The following BRD8 variants were observed in gnomAD, a reference collection of about 807,000 sequenced individuals.
BRD8 encodes the protein bromodomain containing 8.
A neutral mutation model predicts 143.1 loss-of-function variants in BRD8; 67 were observed. The ratio of observed to expected loss-of-function variants is 0.47; its 90% CI spans 0.38 to 0.57. The LOEUF (loss-of-function observed/expected upper bound fraction) is 0.57, where lower values mean the gene tolerates loss of function less well. BRD8 is among the 20% of genes least tolerant of loss of function. The pLI is 0.00. For synonymous variants in BRD8, 505 were observed against 517.1 expected, an observed-to-expected ratio of 0.98 and a Z score of 0.32; for missense variants, 1,103 against 1,503.0, an observed-to-expected ratio of 0.73 and a Z score of 4.40.
At chr5:138,174,229 T>G (rs1454843756) in intron 2 of BRD8, among the ~76,000 whole-genome samples, 2 of 152,012 alleles carry the variant, frequency 1.3e-5, no homozygotes, top group African/African-American at 4.8e-5. Context: ...ATGGATACTA[T>G]AATAATTACC....
At chr5:138,141,816 T>C (rs931825214) in intron 25 of BRD8, among the ~76,000 whole-genome samples, 1 of 151,242 alleles carries the variant, frequency 6.6e-6, no homozygotes. Context: ...CACAGCAGTG[T>C]AGAAAGAAGA....
chr5:138,172,416 G>A (rs1343050967), intron 2 of BRD8, among the ~76,000 whole-genome samples: 2 of 150,198 alleles, frequency 1.3e-5, no homozygotes, highest in African/African-American at 2.5e-5. Context: ...CCAGCTACTC[G>A]GGAGGCTGAG....
chr5:138,165,726 C>CAA (rs374362323), intron 11 of BRD8, 102 bp downstream of exon 11: 5,774 of 942,408 alleles, frequency 6.1e-3, no homozygotes, highest in South Asian at 8.4e-3. Context: ...ACTCTGTCTC[C>CAA]AAAAAAAAAA....
At position 138,163,706 on chromosome 5, in the gene BRD8, A is replaced by T. The variant is rs980550525; in HGVS notation, c.1873-362T>A. 2.7e-5 allele frequency: 32 copies of T among 1,166,498 alleles called. No individual in the cohort carries two copies. The African/African-American group carries it at 5.0e-4, about 18-fold the overall frequency. 72.3% of individuals were successfully genotyped at this position (1,166,498 alleles called of 1,614,324 possible). ...GTCTCATTTGATGGAGCAAGCTCACATCACATTCTTTAAGCCTCTGTTACT... is the reference window on the plus strand; with the variant it reads ...GTCTCATTTGATGGAGCAAGCTCACTTCACATTCTTTAAGCCTCTGTTACT... On this transcript the variant is annotated intron_variant, in intron 14 of 26. Transcript: ENST00000254900.
At chr5:138,141,608 G>A (rs1751913040) in intron 25 of BRD8, among the ~76,000 whole-genome samples, 1 of 152,144 alleles carries the variant, frequency 6.6e-6, no homozygotes, top group Non-Finnish European at 1.5e-5. Flanking sequence ...GTTGTAAAGA[G>A]CACCAATCAT....
In BRD8 at chr5:138,168,078, C is replaced by T. The variant is rs1241998959; in HGVS notation, c.643G>A (p.Val215Ile). The T allele has an allele frequency of 1.9e-6, 3 of 1,610,160 alleles. No individual in the cohort carries two copies. The highest frequency in any genetic ancestry group is 2.5e-6 in the Non-Finnish European group (3 of 1,177,400). Residue 215 changes from valine (V) to isoleucine (I), a missense_variant and splice_region_variant, in exon 9 of 27, where the codon GTC becomes ATC. By Grantham distance (29) the Val-to-Ile change is conservative. Transcript: ENST00000254900. ...GCCACAGCCATTTCACTCTCATTGACCTACCAGGGAAGAATAGAGGTGAAG... is the reference window on the plus strand; with the variant it reads ...GCCACAGCCATTTCACTCTCATTGATCTACCAGGGAAGAATAGAGGTGAAG... ...PTTMEEATSGVNESEMAVASG... is the reference protein window; with the variant it reads ...PTTMEEATSGINESEMAVASG...
intron 9 of BRD8, chr5:138,167,557 GTTAC>G (rs1753539774): frequency 4.9e-6 from 1 of 202,456 alleles, no homozygotes; most frequent in Non-Finnish European, 1.0e-5. Flanking sequence ...CAAAAGCTAA[GTTAC>G]CTATCCAAGG....
chr5:138,151,075 A>G, intron 21 of BRD8, 67 bp from the exon 22 acceptor site: 1 of 1,537,068 alleles, frequency 6.5e-7, no homozygotes, highest in Middle Eastern at 2.0e-4. Flanking sequence ...CATATCAACA[A>G]TGCCACATGC....
chr5:138,172,242 T>A, intron 2 of BRD8, 108 bp from the exon 3 acceptor site: 1 of 889,954 alleles, frequency 1.1e-6, no homozygotes, highest in Non-Finnish European at 1.8e-6. Context: ...AAGATGCGAA[T>A]GGCCAGGCGC....
chr5:138,172,862 CAAA>C, intron 2 of BRD8: 2 of 266,102 alleles, frequency 7.5e-6, no homozygotes, highest in Admixed American at 5.4e-5. Context: ...CTCCGCCATT[CAAA>C]AAAAAAAGAA....
chr5:138,170,678 C>G lies in BRD8; in HGVS notation c.440+154G>C. The stretch of plus-strand genomic sequence containing the variant: ...TATATTACCTTCTAGGACTCACTCC[C>G]CCCTCCCAGCCACCAAACCACTTTG... On this transcript the variant is annotated intron_variant, in intron 6 of 26. Transcript: ENST00000254900. 6.6e-6 allele frequency: 5 copies of G among 756,738 alleles called. No individual in the cohort carries two copies. In the South Asian group the frequency reaches 7.9e-5, roughly 12 times the overall value. The allele number at this position is 756,738 out of a possible 1,614,324, so 46.9% of individuals were successfully genotyped here.
intron 23 of BRD8, among the ~76,000 whole-genome samples, chr5:138,146,192 G>A (rs577525142): frequency 4.3e-4 from 66 of 151,798 alleles, no homozygotes; most frequent in South Asian, 1.5e-3. Context: ...CAAGTAGCTG[G>A]GACTAAAGTT....
Position 138,171,365 on chromosome 5 carries a change from G to T in BRD8, c.232C>A (p.Pro78Thr). The change falls in exon 4 of 27, where the codon CCA becomes ACA. Residue 78 changes from proline to threonine, a missense_variant. Coordinates refer to ENST00000254900, the MANE Select transcript of BRD8 (RefSeq NM_139199.2). Reference sequence around the variant, plus strand: ...AGTACCTGGCTTTGTACTCACTTTGGTGTCTCAGTGGTCTCTAAAAGCTCC... The same window carrying T: ...AGTACCTGGCTTTGTACTCACTTTGTTGTCTCAGTGGTCTCTAAAAGCTCC... ...YSELLETTET[P>T]KRKRGEKGEV... 6.2e-7 allele frequency: 1 copy of T among 1,605,732 alleles called. No individual in the cohort carries two copies.
In BRD8 at chr5:138,170,555, A is replaced by C. The variant is rs1561618402; in HGVS notation, c.441-146T>G. Reference sequence around the variant, plus strand: ...GGAATTCTAACCAGCAAAACAGTGAATTGGGGTATACTGCCTAACTCCCAG... The same window carrying C: ...GGAATTCTAACCAGCAAAACAGTGACTTGGGGTATACTGCCTAACTCCCAG... On this transcript the variant is annotated intron_variant, in intron 6 of 26. Coordinates refer to ENST00000254900, the MANE Select transcript of BRD8 (RefSeq NM_139199.2). The C allele has an allele frequency of 3.4e-6, 3 of 891,380 alleles. No individual in the cohort carries two copies. The East Asian group carries it at 7.2e-5, about 21-fold the overall frequency. 55.2% of individuals were successfully genotyped at this position (891,380 alleles called of 1,614,324 possible).
intron 20 of BRD8, chr5:138,156,779 T>A: frequency 6.4e-6 from 6 of 936,374 alleles, no homozygotes; most frequent in Non-Finnish European, 7.6e-6. Context: ...TGTAACAATC[T>A]CATTCCTACA....
Position 138,171,357 on chromosome 5 carries a change from T to A in BRD8, c.236+4A>T. ...ATGGCTGAAGTACCTGGCTTTGTAC[T>A]CACTTTGGTGTCTCAGTGGTCTCTA... On this transcript the variant is annotated splice_donor_region_variant and intron_variant, in intron 4 of 26. Coordinates refer to ENST00000254900, the MANE Select transcript of BRD8 (RefSeq NM_139199.2). 6.2e-7 allele frequency: 1 copy of A among 1,603,892 alleles called. No homozygotes were observed. Among genetic ancestry groups the A allele is most frequent in the Non-Finnish European group, 8.5e-7 (1 of 1,174,710 alleles).
intron 18 of BRD8, 123 bp downstream of exon 18, chr5:138,160,768 A>T: frequency 1.3e-6 from 1 of 794,902 alleles, no homozygotes; most frequent in Non-Finnish European, 1.9e-6. Context: ...TTATGTTTTC[A>T]ATTGTGTCCC....
At chr5:138,177,765 C>CTTT (rs995898542) in intron 1 of BRD8, 98 bp from the exon 2 acceptor site, 17 of 658,544 alleles carry the variant, frequency 2.6e-5, no homozygotes, top group Non-Finnish European at 2.6e-6. Context: ...AAGCCTAATA[C>CTTT]AAAACATCCC....
In BRD8 at chr5:138,152,463, A is replaced by G; in HGVS notation, c.2856+19T>C. 6.2e-7 allele frequency: 1 copy of G among 1,611,198 alleles called. No homozygotes were observed. Among genetic ancestry groups the G allele is most frequent in the Middle Eastern group, 1.8e-4 (1 of 5,554 alleles). Reference sequence around the variant, plus strand: ...AAGTTGAGGCTTTTCCAGCTTTGGAAATAAGAGCTCACTGTTACCTCAGAG... The same window carrying G: ...AAGTTGAGGCTTTTCCAGCTTTGGAGATAAGAGCTCACTGTTACCTCAGAG... On this transcript the variant is annotated intron_variant, in intron 21 of 26. Coordinates refer to ENST00000254900, the MANE Select transcript of BRD8 (RefSeq NM_139199.2).
Sources: allele counts gnomAD v4.1 joint callset (sites outside exome capture counted in the v4.1 genomes callset), GRCh38; gene constraint gnomAD v4.1.1; transcripts MANE v1.5; gene names NCBI Gene and HGNC (gene_info 2026-07-23, HGNC 2026-07-21).